RFX1: variants seen among roughly 807,000 people sequenced by gnomAD.
The protein encoded by RFX1 is regulatory factor X1.
In RFX1, 42 loss-of-function variants were observed where a neutral mutation model predicts 119.6. That is an observed-to-expected ratio of 0.35 (90% CI 0.27 to 0.45). The LOEUF (loss-of-function observed/expected upper bound fraction) is 0.45, where lower values mean the gene tolerates loss of function less well. RFX1 is among the 20% of genes least tolerant of loss of function. RFX1 has a pLI of 1.00. For synonymous variants in RFX1, 628 were observed against 618.5 expected (o/e 1.02, Z -0.23); for missense variants, 1,118 against 1,368.1 (o/e 0.82, Z 2.88).
chr19:13,968,951 T>C lies in RFX1; in HGVS notation c.1497-57A>G, dbSNP rs1053580963. The C allele has an allele frequency of 1.6e-5, 24 of 1,527,560 alleles. No individual in the cohort carries two copies. Among genetic ancestry groups the C allele is most frequent in the Admixed American group, 2.0e-5 (1 of 50,702 alleles). 94.6% of individuals were successfully genotyped at this position (1,527,560 alleles called of 1,614,324 possible). A position where few individuals can be genotyped will look rare whatever the true frequency, so the allele number is the denominator to read the frequency against. On this transcript the variant is annotated intron_variant, in intron 10 of 20. Coordinates refer to ENST00000254325, the MANE Select transcript of RFX1 (RefSeq NM_002918.5). This position sits in a 1 kb window ranked among gnomAD's most constrained non-coding sequence, Gnocchi z 5.5. ...TGGGGGTCTGCCGGCTGGCCGGCCA[T>C]GGAGCACCTCACAGCACACCCGTCT... is the stretch of plus-strand genomic sequence containing the variant.
chr19:13,982,213 G>T lies in RFX1; in HGVS notation c.529C>A (p.Arg177Ser). The change falls in exon 5 of 21, where the codon CGT becomes AGT. Residue 177 changes from arginine (R) to serine (S), a missense_variant. Physicochemically the swap from Arg to Ser is moderately radical, Grantham distance 110. This residue lies in a region of RFX1 where 542 missense variants were observed against 602.7 expected (regional missense o/e 0.90). Coordinates refer to ENST00000254325, the MANE Select transcript of RFX1 (RefSeq NM_002918.5). ...GGGGCTGCGCTCTGCACCACCAGAC[G>T]CTGCGTGGGAAGAGCCTGGGGCCAG... ...QVPQQALPTQ[R>S]LVVQSAAPGS... The T allele has an allele frequency of 7.6e-7, 1 of 1,307,650 alleles. No individual in the cohort carries two copies. 81.0% of individuals were successfully genotyped at this position (1,307,650 alleles called of 1,614,324 possible).
Position 13,993,704 on chromosome 19 carries a change from G to T in RFX1, c.140C>A (p.Ala47Asp). 6.3e-7 allele frequency: 1 copy of T among 1,578,138 alleles called. No homozygotes were observed. Among genetic ancestry groups the T allele is most frequent in the Non-Finnish European group, 8.6e-7 (1 of 1,161,820 alleles). Residue 47 changes from alanine to aspartate, a missense_variant, in exon 2 of 21, where the codon GCT becomes GAT. Ala to Asp is a moderately radical substitution (Grantham distance 126). This residue lies in a region of RFX1 where 542 missense variants were observed against 602.7 expected (regional missense o/e 0.90). Coordinates refer to ENST00000254325, the MANE Select transcript of RFX1 (RefSeq NM_002918.5). ...APQPPQPPTA[A>D]ATPQPQYVTE... ...GACATATTGGGGCTGAGGGGTGGCA[G>T]CAGCGGTGGGTGGCTGCGGGGGCTG...
At position 13,978,951 on chromosome 19, in the gene RFX1, C is replaced by A. The variant is rs1974343458; in HGVS notation, c.834+496G>T. On this transcript the variant is annotated intron_variant, in intron 7 of 20. Transcript: ENST00000254325. ...CGCCCGGCTCGTAATGGGGCGGCGG[C>A]GGCTCGGGGCTGCCTAGCTGCGGGG... 2.0e-5 allele frequency among the ~76,000 whole-genome samples: 3 copies of A among 151,710 alleles called. No individual in the cohort carries two copies. In the South Asian group the frequency reaches 6.2e-4, roughly 31 times the overall value.
At position 13,990,803 on chromosome 19, in the gene RFX1, C is replaced by T. The variant is rs374770193; in HGVS notation, c.319+2722G>A. Reference sequence around the variant, plus strand: ...CTGCACTCCAGCCTGGGTGTCAGAGCGAGACTTTGTCTCAAAGAAAAAAAA... The same window carrying T: ...CTGCACTCCAGCCTGGGTGTCAGAGTGAGACTTTGTCTCAAAGAAAAAAAA... On this transcript the variant is annotated intron_variant, in intron 2 of 20. Transcript: ENST00000254325. This position sits in a 1 kb window ranked among gnomAD's most constrained non-coding sequence, Gnocchi z 4.1. Among the ~76,000 whole-genome samples the T allele has an allele frequency of 6.6e-6, 1 of 150,530 alleles. No homozygotes were observed. Among genetic ancestry groups the T allele is most frequent in the African/African-American group, 2.5e-5 (1 of 40,760 alleles).
At chr19:13,989,101 A>G (rs923343407) in intron 2 of RFX1, among the ~76,000 whole-genome samples, 1 of 152,062 alleles carries the variant, frequency 6.6e-6, no homozygotes, top group Non-Finnish European at 1.5e-5. Flanking sequence ...GTAGTGTCTG[A>G]GCAGCGACCT....
At chr19:13,983,354 A>C (rs1974491008) in intron 3 of RFX1, 84 bp from the exon 4 acceptor site, 1 of 1,297,234 alleles carries the variant, frequency 7.7e-7, no homozygotes, top group Non-Finnish European at 1.1e-6. Flanking sequence ...GCTGCTGTGC[A>C]CATCTTGATA....
chr19:13,970,053 G>C lies in RFX1; in HGVS notation c.1437C>G (p.Ser479=), dbSNP rs1974027982. 2 of 1,614,016 alleles carry C rather than the reference G, an allele frequency of 1.2e-6. No homozygotes were observed. The highest frequency in any genetic ancestry group is 1.7e-5 in the Admixed American group (1 of 60,000). ...EQKLEPVNAA[S]FGKLIRSVFM... ...AGACGGAGCGGATGAGCTTGCCGAA[G>C]GAGGCGGCGTTGACGGGCTCCAGCT... The change falls in exon 10 of 21, where the codon TCC becomes TCG. Residue 479 remains serine (S), a synonymous_variant. Coordinates refer to ENST00000254325, the MANE Select transcript of RFX1 (RefSeq NM_002918.5).
chr19:13,968,745 C>T lies in RFX1; in HGVS notation c.1616+30G>A. ...GGCCTGTGTGCCCTTCCCCGCCTGC[C>T]CTGCCCTGGGTCCGGCCCTGCCTTC... On this transcript the variant is annotated intron_variant, in intron 11 of 20. Transcript: ENST00000254325. This position sits in a 1 kb window ranked among gnomAD's most constrained non-coding sequence, Gnocchi z 5.5. 1 of 1,609,212 alleles carries T rather than the reference C, an allele frequency of 6.2e-7. No homozygotes were observed. Among genetic ancestry groups the T allele is most frequent in the East Asian group, 2.2e-5 (1 of 44,722 alleles).
Position 13,980,849 on chromosome 19 carries a change from G to A in RFX1, c.622-160C>T, listed in dbSNP as rs756208015. Reference sequence around the variant, plus strand: ...AGGCTGGTAACTGACCGCGTCCCACGCATCCAAATGCCTACTCCCTGCAAC... The same window carrying A: ...AGGCTGGTAACTGACCGCGTCCCACACATCCAAATGCCTACTCCCTGCAAC... On this transcript the variant is annotated intron_variant, in intron 5 of 20. Coordinates refer to ENST00000254325, the MANE Select transcript of RFX1 (RefSeq NM_002918.5). The surrounding 1 kb of genome is among the most constrained non-coding windows in gnomAD (Gnocchi z 5.1). 9.2e-5 allele frequency among the ~76,000 whole-genome samples: 14 copies of A among 151,838 alleles called. No homozygotes were observed. The highest frequency in any genetic ancestry group is 4.6e-4 in the Admixed American group (7 of 15,240).
Position 13,963,290 on chromosome 19 carries a change from G to A in RFX1, c.2571-15C>T, listed in dbSNP as rs780862548. 4.7e-5 allele frequency: 76 copies of A among 1,603,402 alleles called. 1 individual carries two copies. Among genetic ancestry groups the A allele is most frequent in the Middle Eastern group, 3.5e-4 (2 of 5,636 alleles). On this transcript the variant is annotated splice_polypyrimidine_tract_variant and intron_variant, in intron 18 of 20. Transcript: ENST00000254325. ...TCACCATGGAGCTGGGGATGGAGACGGAGAGGAGACCGTCAGGCCCCGTCC... is the reference window on the plus strand; with the variant it reads ...TCACCATGGAGCTGGGGATGGAGACAGAGAGGAGACCGTCAGGCCCCGTCC...
Position 13,966,619 on chromosome 19 carries a change from C to G in RFX1, c.1851+14G>C. The stretch of plus-strand genomic sequence containing the variant: ...GCGTCCCCGTCCACTTGCCTGCCCA[C>G]CTGGCCACCCTACCTCACAGTGTTC... On this transcript the variant is annotated intron_variant, in intron 13 of 20. Coordinates refer to ENST00000254325, the MANE Select transcript of RFX1 (RefSeq NM_002918.5). The surrounding 1 kb of genome is among the most constrained non-coding windows in gnomAD (Gnocchi z 6.3). 6.4e-7 allele frequency: 1 copy of G among 1,573,708 alleles called. No individual in the cohort carries two copies. Among genetic ancestry groups the G allele is most frequent in the Non-Finnish European group, 8.7e-7 (1 of 1,155,092 alleles).
chr19:13,993,941 C>G, intron 1 of RFX1, 46 bp from the exon 2 acceptor site: 4 of 1,053,506 alleles, frequency 3.8e-6, no homozygotes, highest in Non-Finnish European at 5.4e-6. Flanking sequence ...CAAAACAAAA[C>G]AAAAGAAGGA....
chr19:13,997,038 AAAGT>A (rs1158558706), intron 1 of RFX1, among the ~76,000 whole-genome samples: 1 of 151,592 alleles, frequency 6.6e-6, no homozygotes, highest in African/African-American at 2.4e-5. Context: ...TTTGCTTCTT[AAAGT>A]AAGTACACGG....
At chr19:13,977,015 A>T (rs1023883699) in intron 8 of RFX1, among the ~76,000 whole-genome samples, 4 of 149,206 alleles carry the variant, frequency 2.7e-5, no homozygotes, top group Admixed American at 6.7e-5. Flanking sequence ...AGAAAAAAAA[A>T]GTCCAGTGCG....
rs549662297 is a variant in RFX1 at position 13,963,105 on chromosome 19, T to G, written c.2724+17A>C. The G allele has an allele frequency of 6.2e-7, 1 of 1,609,788 alleles. No homozygotes were observed. The highest frequency in any genetic ancestry group is 1.1e-5 in the South Asian group (1 of 90,906). ...CCTGGCGCCCCGCCCGCGCCCCCAG[T>G]GGCCCGCCTCGCGCACCTCGCCCAT... On this transcript the variant is annotated intron_variant, in intron 19 of 20. Coordinates refer to ENST00000254325, the MANE Select transcript of RFX1 (RefSeq NM_002918.5).
chr19:13,966,636 A>T lies in RFX1; in HGVS notation c.1848T>A (p.Cys616Ter). ...CCTGCCCACCTGGCCACCCTACCTC[A>T]CAGTGTTCCCGGTACAGGACCTGGA... ...KAFQVLYREHCEAIVDVMVNL... is the reference protein window; with the variant it reads ...KAFQVLYREH The change falls in exon 13 of 21, where the codon TGT (cysteine) becomes TGA (stop). Residue 616 changes from cysteine to a stop codon, truncating the protein, a stop_gained. Coordinates refer to ENST00000254325, the MANE Select transcript of RFX1 (RefSeq NM_002918.5). LOFTEE classifies it high-confidence loss of function. The surrounding 1 kb of genome is among the most constrained non-coding windows in gnomAD (Gnocchi z 6.3). The T allele has an allele frequency of 6.3e-7, 1 of 1,590,994 alleles. No homozygotes were observed. Among genetic ancestry groups the T allele is most frequent in the Non-Finnish European group, 8.6e-7 (1 of 1,166,184 alleles).
chr19:14,001,619 C>T (rs1369414773), intron 1 of RFX1, among the ~76,000 whole-genome samples: 3 of 152,190 alleles, frequency 2.0e-5, no homozygotes, highest in Non-Finnish European at 4.4e-5. Flanking sequence ...TTTCTTCCTC[C>T]TAGTTCCTCT....
At chr19:13,963,783 G>A (rs752385031) in intron 17 of RFX1, 37 bp from the exon 18 acceptor site, 7 of 1,505,596 alleles carry the variant, frequency 4.6e-6, no homozygotes, top group African/African-American at 1.4e-5. Context: ...CCGGGGCTCA[G>A]CCGCCGTCAC....
chr19:13,969,327 C>T lies in RFX1; in HGVS notation c.1497-433G>A, dbSNP rs977976051. 5.9e-5 allele frequency among the ~76,000 whole-genome samples: 9 copies of T among 152,094 alleles called. No individual in the cohort carries two copies. Among genetic ancestry groups the T allele is most frequent in the Admixed American group, 3.9e-4 (6 of 15,274 alleles). ...GTCATCGAGGTACGAGCACTGCAGA[C>T]GGACCAGAACAACTGAAATAAGTCA... On this transcript the variant is annotated intron_variant, in intron 10 of 20. Transcript: ENST00000254325. The surrounding 1 kb of genome is among the most constrained non-coding windows in gnomAD (Gnocchi z 4.5).
Sources: allele counts gnomAD v4.1 joint callset (sites outside exome capture counted in the v4.1 genomes callset), GRCh38; gene constraint gnomAD v4.1.1; regional missense constraint gnomAD v4.1.1; non-coding constraint Gnocchi (gnomAD v3.1); transcripts MANE v1.5; gene names NCBI Gene and HGNC (gene_info 2026-07-23, HGNC 2026-07-21).